Variants in CORIN observed in about 807,000 individuals in gnomAD.
CORIN encodes the protein atrial natriuretic peptide-converting enzyme.
CORIN carries 117 observed loss-of-function variants against 125.3 expected under a neutral mutation model. The observed-to-expected ratio is 0.93, with a 90% CI of 0.80 to 1.09. CORIN has a LOEUF of 1.09. CORIN is among the 50% of genes least tolerant of loss of function. The pLI, the probability that CORIN is intolerant of heterozygous loss-of-function variation, is 0.00. For missense variants in CORIN, 1,253 were observed against 1,306.7 expected, an observed-to-expected ratio of 0.96 and a Z score of 0.63; for synonymous variants, 450 against 466.4, an observed-to-expected ratio of 0.96 and a Z score of 0.45.
intron 1 of CORIN, among the ~76,000 whole-genome samples, chr4:47,810,074 T>G (rs16860656): frequency 6.6e-6 from 1 of 152,176 alleles, no homozygotes; most frequent in East Asian, 1.9e-4. Flanking sequence ...TAGGGAACGA[T>G]GCATCTGATT....
intron 3 of CORIN, among the ~76,000 whole-genome samples, chr4:47,779,783 C>T (rs1305449623): frequency 6.6e-6 from 1 of 152,150 alleles, no homozygotes; most frequent in Non-Finnish European, 1.5e-5. Context: ...GAAAACATCT[C>T]ATGTTAAAAA....
Position 47,678,051 on chromosome 4 carries a change from CAGGCTAGGAA to C in CORIN, c.1133-7_1135del, listed in dbSNP as rs1202393217. 5 of 1,608,616 alleles carry C rather than the reference CAGGCTAGGAA, an allele frequency of 3.1e-6. No individual in the cohort carries two copies. The South Asian group carries it at 5.5e-5, about 18-fold the overall frequency. ...GCATTCCACCAGACCCTGGCTGTGA[CAGGCTAGGAA>C]GGACCATAACAATATTCACTTTATT... On this transcript the variant is annotated splice_acceptor_variant and splice_polypyrimidine_tract_variant and coding_sequence_variant and intron_variant, in exon 9 of 22. Transcript: ENST00000273857. LOFTEE classifies it high-confidence loss of function.
intron 1 of CORIN, among the ~76,000 whole-genome samples, chr4:47,812,175 A>C (rs1015276935): frequency 1.3e-5 from 2 of 152,168 alleles, no homozygotes; most frequent in African/African-American, 4.8e-5. Context: ...AGATAAAAAT[A>C]ATCTTCAAAG....
chr4:47,597,093 T>C (rs1410013153), intron 21 of CORIN, among the ~76,000 whole-genome samples: 1 of 152,186 alleles, frequency 6.6e-6, no homozygotes, highest in Non-Finnish European at 1.5e-5. Context: ...AGCTCACACC[T>C]GTAATCCCAG....
Position 47,595,608 on chromosome 4 carries a change from C to A in CORIN, c.*113G>T, listed in dbSNP as rs1389948708. ...TGCAAATTTGCAGTGCACGATTGAG[C>A]ATTTCTGTCCATGAAAAGTGCTTCT... On this transcript the variant is annotated 3_prime_UTR_variant, in exon 22 of 22. Coordinates refer to ENST00000273857, the MANE Select transcript of CORIN (RefSeq NM_006587.4). 2 of 686,008 alleles carry A rather than the reference C, an allele frequency of 2.9e-6. No homozygotes were observed. The highest frequency in any genetic ancestry group is 3.5e-5 in the South Asian group (1 of 28,738). The allele number at this position is 686,008 out of a possible 1,614,324, so 42.5% of individuals were successfully genotyped here.
At chr4:47,754,738 G>A (rs1358403009) in intron 4 of CORIN, among the ~76,000 whole-genome samples, 1 of 152,062 alleles carries the variant, frequency 6.6e-6, no homozygotes, top group Non-Finnish European at 1.5e-5. Context: ...TTGCACTGAA[G>A]AGAAACAGGA....
At chr4:47,781,389 T>A (rs1390477208) in intron 3 of CORIN, among the ~76,000 whole-genome samples, 2 of 152,176 alleles carry the variant, frequency 1.3e-5, no homozygotes, top group African/African-American at 2.4e-5. Context: ...ACCATTCTGT[T>A]TTTCACTTTC....
At chr4:47,784,317 T>C (rs1372064958) in intron 3 of CORIN, among the ~76,000 whole-genome samples, 1 of 152,226 alleles carries the variant, frequency 6.6e-6, no homozygotes, top group Non-Finnish European at 1.5e-5. Context: ...CAGGAAAGAC[T>C]AATGCTAACT....
intron 21 of CORIN, among the ~76,000 whole-genome samples, chr4:47,596,705 C>G (rs983564598): frequency 1.3e-5 from 2 of 152,116 alleles, no homozygotes; most frequent in African/African-American, 2.4e-5. Flanking sequence ...AGAGTAAATA[C>G]GTGAATTCAT....
At chr4:47,777,750 T>C (rs1330162185) in intron 3 of CORIN, among the ~76,000 whole-genome samples, 2 of 152,240 alleles carry the variant, frequency 1.3e-5, no homozygotes, top group African/African-American at 4.8e-5. Flanking sequence ...ATTGAAAAGA[T>C]GTAAAGCTTT....
intron 4 of CORIN, among the ~76,000 whole-genome samples, chr4:47,757,505 G>C (rs1198739785): frequency 6.6e-6 from 1 of 151,872 alleles, no homozygotes; most frequent in Non-Finnish European, 1.5e-5. Flanking sequence ...GAAGCAGGGA[G>C]AATTGCTTGA....
intron 3 of CORIN, among the ~76,000 whole-genome samples, chr4:47,765,949 T>A (rs1729713152): frequency 6.6e-6 from 1 of 152,222 alleles, no homozygotes; most frequent in Non-Finnish European, 1.5e-5. Flanking sequence ...GGTTTTGAAA[T>A]CATTTTAAAG....
chr4:47,665,593 C>G (rs978878713), intron 10 of CORIN, among the ~76,000 whole-genome samples: 3 of 152,136 alleles, frequency 2.0e-5, no homozygotes, highest in Non-Finnish European at 2.9e-5. Flanking sequence ...AATTCATCTT[C>G]TTCTTCTGAT....
intron 5 of CORIN, among the ~76,000 whole-genome samples, chr4:47,704,873 C>T (rs989745058): frequency 1.3e-5 from 2 of 152,070 alleles, no homozygotes; most frequent in Admixed American, 6.6e-5. Context: ...GGGTAGGACA[C>T]GTGCAGTTCC....
intron 14 of CORIN, among the ~76,000 whole-genome samples, chr4:47,644,798 T>C (rs1723392532): frequency 1.3e-5 from 2 of 152,192 alleles, no homozygotes; most frequent in South Asian, 4.1e-4. Context: ...TATATTATTT[T>C]CTTTTATGAT....
Position 47,677,945 on chromosome 4 carries a change from G to A in CORIN, c.1242C>T (p.Cys414=), listed in dbSNP as rs1385487166. ...GTGGTGGGACACACTTACTGACGCTGCAGTTCTCCTCATCACTCCCATCCT... is the reference window on the plus strand; with the variant it reads ...GTGGTGGGACACACTTACTGACGCTACAGTTCTCCTCATCACTCCCATCCT... The part of the protein sequence containing the change: ...DCKDGSDEEN[C]SVIQTSCQEG... The change falls in exon 9 of 22, where the codon TGC becomes TGT. Residue 414 remains cysteine (C), a synonymous_variant. Coordinates refer to ENST00000273857, the MANE Select transcript of CORIN (RefSeq NM_006587.4). 9 of 1,608,832 alleles carry A rather than the reference G, an allele frequency of 5.6e-6. No homozygotes were observed. In the African/African-American group the frequency reaches 6.7e-5, roughly 12 times the overall value.
rs375902931 is a variant in CORIN, at chr4:47,759,357, T to C, written c.617+4022A>G. Among the ~76,000 whole-genome samples, 33 of 152,186 alleles carry C rather than the reference T, an allele frequency of 2.2e-4. 1 individual carries two copies. The South Asian group carries it at 6.8e-3, about 32-fold the overall frequency. On this transcript the variant is annotated intron_variant, in intron 4 of 21. Coordinates refer to ENST00000273857, the MANE Select transcript of CORIN (RefSeq NM_006587.4). ...AAAGCTCAAACATCAAAAGCAAAAG[T>C]AGACAAATGAGATTTCATCAAACTA...
At chr4:47,788,725 A>G (rs1344988267) in intron 2 of CORIN, among the ~76,000 whole-genome samples, 1 of 152,160 alleles carries the variant, frequency 6.6e-6, no homozygotes, top group African/African-American at 2.4e-5. Flanking sequence ...CCATAAGGTG[A>G]TATTTATGCT....
In CORIN at chr4:47,786,989, T is replaced by A. The variant is rs532152057; in HGVS notation, c.209-64A>T. 2.7e-6 allele frequency: 3 copies of A among 1,113,184 alleles called. No individual in the cohort carries two copies. In the East Asian group the frequency reaches 7.6e-5, roughly 28 times the overall value. 69.0% of individuals were successfully genotyped at this position (1,113,184 alleles called of 1,614,324 possible). On this transcript the variant is annotated intron_variant, in intron 2 of 21. Transcript: ENST00000273857. The stretch of plus-strand genomic sequence containing the variant: ...GAAACATTACTAGAAGTGTTTATTT[T>A]AAAAAACATTAAGAAAACTCTAGAG...
Sources: gnomAD v4.1 joint callset for allele counts (sites outside exome capture counted in the v4.1 genomes callset) on GRCh38, gnomAD v4.1.1 for gene constraint, MANE v1.5 for transcripts, NCBI Gene and HGNC (gene_info 2026-07-23, HGNC 2026-07-21) for gene names.